Variants in CCSER1 observed in about 807,000 individuals in gnomAD.
CCSER1 encodes the protein serine-rich coiled-coil domain-containing protein 1.
A neutral mutation model predicts 82.0 loss-of-function variants in CCSER1; 41 were observed. The observed-to-expected ratio is 0.50, with a 90% CI of 0.39 to 0.65. The LOEUF (loss-of-function observed/expected upper bound fraction) is 0.65. Among genes scored for constraint, CCSER1 ranks in the 30% least tolerant of loss-of-function variants. CCSER1 has a pLI of 0.00. For synonymous variants in CCSER1, 414 were observed against 383.9 expected, an observed-to-expected ratio of 1.08 and a Z score of -0.92; for missense variants, 1,119 against 1,064.2, an observed-to-expected ratio of 1.05 and a Z score of -0.72.
rs537110840 is a variant in CCSER1 at position 90,981,353 on chromosome 4, G to A, written c.2172+57906G>A. ...ACCCAAATAAAGACAGTTTATACACGGATGAAAATTTATTGAAGTTGAATA... is the reference window on the plus strand; with the variant it reads ...ACCCAAATAAAGACAGTTTATACACAGATGAAAATTTATTGAAGTTGAATA... On this transcript the variant is annotated intron_variant, in intron 9 of 10. Transcript: ENST00000509176. Among the ~76,000 whole-genome samples, 6 of 151,786 alleles carry A rather than the reference G, an allele frequency of 4.0e-5. 1 individual carries two copies. In the East Asian group the frequency reaches 5.9e-4, roughly 15 times the overall value.
At chr4:90,550,482 C>G (rs1777325144) in intron 5 of CCSER1, among the ~76,000 whole-genome samples, 1 of 152,038 alleles carries the variant, frequency 6.6e-6, no homozygotes, top group Admixed American at 6.6e-5. Flanking sequence ...AAGAACTTTT[C>G]ATTTATTTGC....
At chr4:90,217,931 G>T (rs1356339371) in intron 1 of CCSER1, among the ~76,000 whole-genome samples, 3 of 151,978 alleles carry the variant, frequency 2.0e-5, no homozygotes, top group Non-Finnish European at 4.4e-5. Context: ...GAGTAGCTGA[G>T]ACTACAGACA....
intron 9 of CCSER1, among the ~76,000 whole-genome samples, chr4:90,943,224 T>G (rs996021874): frequency 5.9e-5 from 9 of 152,016 alleles, no homozygotes; most frequent in African/African-American, 1.9e-4. Context: ...CAAGTAACTT[T>G]GGCAAGAAAT....
chr4:90,169,717 C>T, intron 1 of CCSER1, among the ~76,000 whole-genome samples: 1 of 152,016 alleles, frequency 6.6e-6, no homozygotes. Context: ...ATATGAACAG[C>T]TTCTTCCATT....
intron 5 of CCSER1, chr4:90,468,665 A>G: frequency 5.4e-6 from 1 of 184,560 alleles, no homozygotes; most frequent in East Asian, 1.4e-4. Flanking sequence ...TGCTTACTAT[A>G]TAAGCTGTAG....
chr4:90,438,128 A>G (rs75560656), intron 4 of CCSER1, among the ~76,000 whole-genome samples: 497 of 152,322 alleles, frequency 3.3e-3, no homozygotes, highest in Non-Finnish European at 5.0e-3. Context: ...AAAAGTCAAT[A>G]CATTTCAGGT....
At chr4:91,495,572 A>T (rs1758756014) in intron 10 of CCSER1, among the ~76,000 whole-genome samples, 1 of 151,540 alleles carries the variant, frequency 6.6e-6, no homozygotes, top group Non-Finnish European at 1.5e-5. Flanking sequence ...GAATGGTATA[A>T]ATATTCTTTT....
At chr4:90,301,297 GA>G (rs1311377290) in intron 1 of CCSER1, among the ~76,000 whole-genome samples, 1 of 151,994 alleles carries the variant, frequency 6.6e-6, no homozygotes, top group Non-Finnish European at 1.5e-5. Context: ...ATTTTATTTA[GA>G]ATAGATCCTC....
intron 1 of CCSER1, among the ~76,000 whole-genome samples, chr4:90,258,943 A>G (rs1315138148): frequency 6.6e-6 from 1 of 152,100 alleles, no homozygotes; most frequent in Non-Finnish European, 1.5e-5. Flanking sequence ...CTTTTTGCTT[A>G]GTATTGCTTT....
chr4:90,710,271 T>G (rs1262481150), intron 6 of CCSER1, among the ~76,000 whole-genome samples: 1 of 152,002 alleles, frequency 6.6e-6, no homozygotes, highest in Non-Finnish European at 1.5e-5. Context: ...TGATAGTTTT[T>G]TGTTGTTGTT....
chr4:90,938,864 T>C lies in CCSER1; in HGVS notation c.2172+15417T>C, dbSNP rs555216963. 3.1e-5 allele frequency: 5 copies of C among 159,172 alleles called. No individual in the cohort carries two copies. The South Asian group carries it at 8.6e-4, about 27-fold the overall frequency. 9.9% of individuals were successfully genotyped at this position (159,172 alleles called of 1,614,324 possible). On this transcript the variant is annotated intron_variant, in intron 9 of 10. Transcript: ENST00000509176. ...ATAGAAAAATTTTCAGTTCAATTAC[T>C]TCACAATTTTTGCATTTGCAAAAAT...
intron 10 of CCSER1, among the ~76,000 whole-genome samples, chr4:91,343,166 T>A (rs1242890105): frequency 6.6e-6 from 1 of 152,046 alleles, no homozygotes; most frequent in Non-Finnish European, 1.5e-5. Flanking sequence ...GTTTTTCCTT[T>A]TTGCCCAATT....
intron 6 of CCSER1, among the ~76,000 whole-genome samples, chr4:90,695,251 A>G (rs955183860): frequency 6.6e-6 from 1 of 151,788 alleles, no homozygotes; most frequent in African/African-American, 2.4e-5. Flanking sequence ...TAAATGAAAG[A>G]TCTGGCATAA....
chr4:91,524,556 T>A (rs1263196866), intron 10 of CCSER1, among the ~76,000 whole-genome samples: 1 of 152,164 alleles, frequency 6.6e-6, no homozygotes, highest in Non-Finnish European at 1.5e-5. Context: ...CTCAATTTGA[T>A]ATTAATTGCT....
At chr4:90,820,931 T>C (rs1053430370) in intron 8 of CCSER1, among the ~76,000 whole-genome samples, 1 of 152,094 alleles carries the variant, frequency 6.6e-6, no homozygotes, top group African/African-American at 2.4e-5. Flanking sequence ...GTGTCATTTT[T>C]AATAACAAAT....
intron 4 of CCSER1, among the ~76,000 whole-genome samples, chr4:90,401,254 A>G (rs1176025947): frequency 6.6e-6 from 1 of 152,228 alleles, no homozygotes; most frequent in Non-Finnish European, 1.5e-5. Context: ...TCCTTCTAAA[A>G]ATGTAGATTT....
At chr4:90,277,281 A>AT (rs1246873174) in intron 1 of CCSER1, among the ~76,000 whole-genome samples, 2 of 152,162 alleles carry the variant, frequency 1.3e-5, no homozygotes, top group Non-Finnish European at 2.9e-5. Context: ...TACCAATGTC[A>AT]TTTTTTAACA....
intron 9 of CCSER1, among the ~76,000 whole-genome samples, chr4:91,015,718 A>G (rs1192311014): frequency 6.6e-6 from 1 of 151,904 alleles, no homozygotes; most frequent in African/African-American, 2.4e-5. Flanking sequence ...TTTTACTCAG[A>G]AAAAAATATT....
intron 10 of CCSER1, among the ~76,000 whole-genome samples, chr4:91,142,638 G>T (rs1186402593): frequency 6.6e-6 from 1 of 152,074 alleles, no homozygotes; most frequent in African/African-American, 2.4e-5. Context: ...GTTAATTCTT[G>T]TATATGTACA....
Sources: allele counts gnomAD v4.1 joint callset (sites outside exome capture counted in the v4.1 genomes callset), GRCh38; gene constraint gnomAD v4.1.1; transcripts MANE v1.5; gene names NCBI Gene and HGNC (gene_info 2026-07-23, HGNC 2026-07-21).